Variants in TG observed in about 807,000 individuals in gnomAD.
TG encodes the protein thyroid hormones.
Under a neutral mutation model 324.7 loss-of-function variants are expected in TG, and 270 were observed. The ratio of observed to expected loss-of-function variants is 0.83; its 90% CI spans 0.75 to 0.92. TG has a LOEUF of 0.92. Among genes scored for constraint, TG ranks in the 40% least tolerant of loss-of-function variants. The pLI is 0.00. For missense variants in TG, 3,591 were observed against 3,456.4 expected, an observed-to-expected ratio of 1.04 and a Z score of -0.98; for synonymous variants, 1,401 against 1,327.0, an observed-to-expected ratio of 1.06 and a Z score of -1.21.
chr8:133,133,386 C>T, intron 46 of TG, 84 bp from the exon 47 acceptor site: 2 of 1,337,676 alleles, frequency 1.5e-6, no homozygotes, highest in Non-Finnish European at 2.2e-6. Flanking sequence ...CCCTCAGATA[C>T]CGAGTGCAAG....
chr8:133,085,936 A>G (rs1161739064), intron 41 of TG, among the ~76,000 whole-genome samples: 2 of 152,230 alleles, frequency 1.3e-5, no homozygotes, highest in Non-Finnish European at 2.9e-5. Context: ...TCACAACAGC[A>G]TTATTCATAA....
At chr8:133,128,179 G>C (rs533627229) in intron 45 of TG, among the ~76,000 whole-genome samples, 1 of 151,962 alleles carries the variant, frequency 6.6e-6, no homozygotes, top group Non-Finnish European at 1.5e-5. Context: ...TCAGCAGAAC[G>C]GCCACCTTTT....
chr8:133,057,268 G>A (rs1841613890), intron 41 of TG, among the ~76,000 whole-genome samples: 2 of 152,058 alleles, frequency 1.3e-5, no homozygotes, highest in South Asian at 4.1e-4. Context: ...ATTTTAAGGT[G>A]GAAATATGCC....
In TG at chr8:132,903,741, G is replaced by A. The variant is rs530793093; in HGVS notation, c.3634+2188G>A. On this transcript the variant is annotated intron_variant, in intron 16 of 47. Transcript: ENST00000220616. The stretch of plus-strand genomic sequence containing the variant: ...ACTCACTGCAGACTGTGATGGAGAG[G>A]CAGGCGGCAGACAGACAGGCTTGAA... 1.2e-4 allele frequency among the ~76,000 whole-genome samples: 18 copies of A among 152,268 alleles called. No homozygotes were observed. In the South Asian group the frequency reaches 3.5e-3, roughly 30 times the overall value.
rs200132543 is a variant in TG, at chr8:132,972,719, C to T, written c.6177C>T (p.Pro2059=). The change falls in exon 34 of 48, where the codon CCC becomes CCT. Residue 2059 remains proline (P), a synonymous_variant. Transcript: ENST00000220616. Reference sequence around the variant, plus strand: ...CTGACATTGAAGTCCACACCTATCCCTTCGGATGGTACCAGAAGCCCAGTA... The same window carrying T: ...CTGACATTGAAGTCCACACCTATCCTTTCGGATGGTACCAGAAGCCCAGTA... The part of the protein sequence containing the change: ...GSPDIEVHTY[P]FGWYQKPIAQ... The T allele has an allele frequency of 1.9e-6, 3 of 1,614,030 alleles. No homozygotes were observed. The highest frequency in any genetic ancestry group is 1.3e-5 in the African/African-American group (1 of 75,016).
At chr8:132,883,730 A>T (rs1310218473) in intron 8 of TG, among the ~76,000 whole-genome samples, 2 of 152,036 alleles carry the variant, frequency 1.3e-5, no homozygotes, top group African/African-American at 4.8e-5. Context: ...TGGAGGAGAG[A>T]CTCAAAGAAG....
intron 28 of TG, among the ~76,000 whole-genome samples, chr8:132,962,100 G>A (rs1242527201): frequency 6.6e-6 from 1 of 152,086 alleles, no homozygotes; most frequent in African/African-American, 2.4e-5. Flanking sequence ...ATGTTGGTGG[G>A]GGTGGTGGTG....
rs765931953 is a variant in TG at position 133,094,242 on chromosome 8, C to CTTTT, written c.7240-787_7240-784dup. Reference sequence around the variant, plus strand: ...TTAGAAAGAAGAAACCTGTCGTTTTCTTTTTTTTTTTTTTTTTTGATGGAG... The same window carrying CTTTT: ...TTAGAAAGAAGAAACCTGTCGTTTTCTTTTTTTTTTTTTTTTTTTTTTGATGGAG... On this transcript the variant is annotated intron_variant, in intron 41 of 47. Coordinates refer to ENST00000220616, the MANE Select transcript of TG (RefSeq NM_003235.5). Among the ~76,000 whole-genome samples the CTTTT allele has an allele frequency of 2.4e-5, 3 of 126,574 alleles. 1 individual carries two copies. The highest frequency in any genetic ancestry group is 1.6e-4 in the Admixed American group (2 of 12,534). The allele number at this position is 126,574 out of a possible 152,430, so 83.0% of individuals were successfully genotyped here.
At position 132,911,530 on chromosome 8, in the gene TG, A is replaced by G. The variant is rs1486535958; in HGVS notation, c.4156A>G (p.Ile1386Val). ...GGCTTCTCTTCCTGACTTACATGAC[A>G]TTGGTATGTTTTTCTGTGGTAGTAC... ...PVASLPDLHDIERALVGKDLL... is the reference protein window; with the variant it reads ...PVASLPDLHDVERALVGKDLL... Residue 1386 changes from isoleucine (I) to valine (V), a missense_variant, in exon 19 of 48, where the codon ATT (isoleucine) becomes GTT (valine). Physicochemically the swap from Ile to Val is conservative, Grantham distance 29. Coordinates refer to ENST00000220616, the MANE Select transcript of TG (RefSeq NM_003235.5). 1 of 1,613,162 alleles carries G rather than the reference A, an allele frequency of 6.2e-7. No individual in the cohort carries two copies. Among genetic ancestry groups the G allele is most frequent in the Admixed American group, 1.7e-5 (1 of 60,026 alleles).
intron 41 of TG, among the ~76,000 whole-genome samples, chr8:133,090,410 G>T (rs1847306553): frequency 6.6e-6 from 1 of 152,152 alleles, no homozygotes; most frequent in East Asian, 1.9e-4. Flanking sequence ...GCTGTGGCAG[G>T]ACATAAATCA....
At chr8:133,032,862 A>T (rs143906088) in intron 41 of TG, among the ~76,000 whole-genome samples, 2 of 152,344 alleles carry the variant, frequency 1.3e-5, no homozygotes, top group East Asian at 3.9e-4. Context: ...TATCTCACAG[A>T]TTCCTTGCAC....
At chr8:132,878,389 G>A (rs1189128682) in intron 5 of TG, among the ~76,000 whole-genome samples, 1 of 151,998 alleles carries the variant, frequency 6.6e-6, no homozygotes, top group Non-Finnish European at 1.5e-5. Flanking sequence ...GGCCAAGGCG[G>A]GCAGATCACG....
chr8:132,912,908 C>G, intron 19 of TG, 139 bp from the exon 20 acceptor site: 2 of 845,114 alleles, frequency 2.4e-6, no homozygotes, highest in Non-Finnish European at 3.8e-6. Context: ...TCAGTTCCTC[C>G]CTCTGTAAAA....
At chr8:133,110,873 C>T (rs1049827155) in intron 43 of TG, among the ~76,000 whole-genome samples, 2 of 152,124 alleles carry the variant, frequency 1.3e-5, no homozygotes, top group South Asian at 2.1e-4. Flanking sequence ...TCTTCTTAGC[C>T]CGCACCCACG....
chr8:132,999,459 C>T (rs1020954117), intron 35 of TG, among the ~76,000 whole-genome samples: 1 of 152,158 alleles, frequency 6.6e-6, no homozygotes, highest in Non-Finnish European at 1.5e-5. Context: ...CCTCCTTATT[C>T]CTGGAAAAAG....
At chr8:132,985,921 T>C (rs2130716854) in intron 35 of TG, among the ~76,000 whole-genome samples, 1 of 152,300 alleles carries the variant, frequency 6.6e-6, no homozygotes, top group African/African-American at 2.4e-5. Context: ...GTTTAGATGC[T>C]TATATTCTTT....
At chr8:132,930,668 A>C (rs1481443226) in intron 23 of TG, among the ~76,000 whole-genome samples, 1 of 146,714 alleles carries the variant, frequency 6.8e-6, no homozygotes, top group Non-Finnish European at 1.5e-5. Flanking sequence ...CTGGGCATCA[A>C]GAGTGAAACT....
At chr8:133,083,318 A>T (rs1846026770) in intron 41 of TG, among the ~76,000 whole-genome samples, 1 of 152,228 alleles carries the variant, frequency 6.6e-6, no homozygotes, top group Admixed American at 6.5e-5. Context: ...ATTGATTTTA[A>T]CAATTGCTAC....
In TG at chr8:133,109,612, C is replaced by T. The variant is rs2979031; in HGVS notation, c.7573-3810C>T. On this transcript the variant is annotated intron_variant, in intron 43 of 47. Coordinates refer to ENST00000220616, the MANE Select transcript of TG (RefSeq NM_003235.5). ...GTTTGTTCCCCACCTGTGTGACTTA[C>T]TCAGCTGTGTAAGACAGCACTTAGC... is the stretch of plus-strand genomic sequence containing the variant. Among the ~76,000 whole-genome samples the T allele has an allele frequency of 9.8e-4, 150 of 152,296 alleles. 6 individuals are homozygous for T. In the South Asian group the frequency reaches 0.029, roughly 30 times the overall value.
Sources: allele counts gnomAD v4.1 joint callset (sites outside exome capture counted in the v4.1 genomes callset), GRCh38; gene constraint gnomAD v4.1.1; transcripts MANE v1.5; gene names NCBI Gene and HGNC (gene_info 2026-07-23, HGNC 2026-07-21).